Variants in KIF6 observed in about 807,000 individuals in gnomAD.
KIF6 encodes kinesin family member 6, also known as kinesin-like protein KIF6.
A neutral mutation model predicts 112.7 loss-of-function variants in KIF6; 106 were observed. That is an observed-to-expected ratio of 0.94 (90% CI 0.80 to 1.11). The LOEUF (loss-of-function observed/expected upper bound fraction) is 1.11. Among genes scored for constraint, KIF6 ranks in the 50% least tolerant of loss-of-function variants. KIF6 has a pLI of 0.00. For missense variants in KIF6, 929 were observed against 964.0 expected, an observed-to-expected ratio of 0.96 and a Z score of 0.48; for synonymous variants, 339 against 339.9, an observed-to-expected ratio of 1.00 and a Z score of 0.03.
At chr6:39,436,183 T>C (rs970446644) in intron 13 of KIF6, among the ~76,000 whole-genome samples, 7 of 152,188 alleles carry the variant, frequency 4.6e-5, no homozygotes, top group African/African-American at 1.7e-4. Context: ...TCTCTTCATG[T>C]CATTTTCCCA....
intron 14 of KIF6, among the ~76,000 whole-genome samples, chr6:39,420,919 T>C (rs1417047785): frequency 1.3e-5 from 2 of 152,202 alleles, no homozygotes; most frequent in Non-Finnish European, 2.9e-5. Context: ...GATTCCTTTA[T>C]GTTTCTGGCC....
intron 13 of KIF6, among the ~76,000 whole-genome samples, chr6:39,444,693 T>G (rs1772192724): frequency 6.6e-6 from 1 of 152,154 alleles, no homozygotes; most frequent in African/African-American, 2.4e-5. Flanking sequence ...TCTGTTTCTA[T>G]GAGTTCAATT....
chr6:39,711,822 T>A (rs1372637284), intron 3 of KIF6, among the ~76,000 whole-genome samples: 4 of 152,108 alleles, frequency 2.6e-5, no homozygotes, highest in Non-Finnish European at 5.9e-5. Context: ...TATCAGTTGA[T>A]CTCCACAGTG....
chr6:39,423,461 C>G (rs1770527967), intron 14 of KIF6, among the ~76,000 whole-genome samples: 1 of 151,988 alleles, frequency 6.6e-6, no homozygotes, highest in Admixed American at 6.6e-5. Context: ...CCTAGGCCCA[C>G]TCCTCATTTT....
intron 3 of KIF6, among the ~76,000 whole-genome samples, chr6:39,671,043 T>C (rs1786787429): frequency 1.3e-5 from 2 of 152,234 alleles, no homozygotes; most frequent in Non-Finnish European, 2.9e-5. Context: ...TGATAATTAC[T>C]GTGGGAATAT....
intron 19 of KIF6, among the ~76,000 whole-genome samples, chr6:39,348,568 C>T (rs1476401512): frequency 6.6e-6 from 1 of 152,176 alleles, no homozygotes; most frequent in Admixed American, 6.5e-5. Context: ...CTTTGCCCAA[C>T]CAGCCTTTGA....
In KIF6 at chr6:39,331,356, T is replaced by C. The variant is rs551929410; in HGVS notation, c.*5176A>G. The C allele has an allele frequency of 9.4e-4, 142 of 151,862 alleles. No homozygotes were observed. Among genetic ancestry groups the C allele is most frequent in the African/African-American group, 3.2e-3 (133 of 41,288 alleles). 9.4% of individuals were successfully genotyped at this position (151,862 alleles called of 1,614,324 possible). ...TAACCCCAACTCCTTCTTAATCAGATTGTCTTGCTTACTTGTTTATTGTCC... is the reference window on the plus strand; with the variant it reads ...TAACCCCAACTCCTTCTTAATCAGACTGTCTTGCTTACTTGTTTATTGTCC... On this transcript the variant is annotated 3_prime_UTR_variant, in exon 23 of 23. Transcript: ENST00000287152.
intron 2 of KIF6, among the ~76,000 whole-genome samples, chr6:39,717,461 T>C (rs550407116): frequency 3.0e-4 from 46 of 152,306 alleles, no homozygotes; most frequent in South Asian, 6.2e-4. Context: ...CCATCAAGTC[T>C]TTGCTCAAAT....
rs1003941434 is a variant in KIF6 at position 39,333,440 on chromosome 6, G to C, written c.*3092C>G. On this transcript the variant is annotated 3_prime_UTR_variant, in exon 23 of 23. Transcript: ENST00000287152. ...CTGGGAGGCTCTGCTCCAGGCTGTA[G>C]ACTGGGCTCAGGTCTGCTCTCTGGA... 6.6e-6 allele frequency: 1 copy of C among 152,250 alleles called. No individual in the cohort carries two copies. The highest frequency in any genetic ancestry group is 2.4e-5 in the African/African-American group (1 of 41,450). 9.4% of individuals were successfully genotyped at this position (152,250 alleles called of 1,614,324 possible).
Position 39,685,337 on chromosome 6 carries a change from A to G in KIF6, c.251+29355T>C, listed in dbSNP as rs190082524. On this transcript the variant is annotated intron_variant, in intron 3 of 22. Transcript: ENST00000287152. ...TGACTACAGTAACAGGAGGGAGGCC[A>G]AGGAATTAGGTGCAGATGCAGGCTG... Among the ~76,000 whole-genome samples, 69 of 152,338 alleles carry G rather than the reference A, an allele frequency of 4.5e-4. 1 individual carries two copies. The highest frequency in any genetic ancestry group is 1.6e-3 in the African/African-American group (67 of 41,578).
At chr6:39,391,296 G>T (rs1388897321) in intron 15 of KIF6, among the ~76,000 whole-genome samples, 1 of 152,202 alleles carries the variant, frequency 6.6e-6, no homozygotes, top group Non-Finnish European at 1.5e-5. Context: ...TGCGGAACAG[G>T]GTAAGAGTCT....
intron 3 of KIF6, among the ~76,000 whole-genome samples, chr6:39,679,037 G>A (rs969705608): frequency 2.0e-5 from 3 of 152,152 alleles, no homozygotes; most frequent in African/African-American, 7.2e-5. Context: ...GGAAGAATAA[G>A]TTACAAAGCA....
intron 13 of KIF6, among the ~76,000 whole-genome samples, chr6:39,533,500 G>C (rs1009626307): frequency 1.3e-5 from 2 of 152,226 alleles, no homozygotes; most frequent in African/African-American, 4.8e-5. Flanking sequence ...GGTAAACAAA[G>C]CAGCCGGGAA....
intron 5 of KIF6, among the ~76,000 whole-genome samples, chr6:39,623,430 C>T (rs185021231): frequency 6.6e-6 from 1 of 152,278 alleles, no homozygotes; most frequent in Non-Finnish European, 1.5e-5. Flanking sequence ...TAATAACTAT[C>T]TATTTTCAAG....
chr6:39,660,639 C>A (rs1786085500), intron 3 of KIF6, among the ~76,000 whole-genome samples: 1 of 151,944 alleles, frequency 6.6e-6, no homozygotes, highest in African/African-American at 2.4e-5. Flanking sequence ...AGCTAAGGAG[C>A]CCCAATATTC....
At chr6:39,632,189 A>G (rs1234252708) in intron 5 of KIF6, among the ~76,000 whole-genome samples, 1 of 152,174 alleles carries the variant, frequency 6.6e-6, no homozygotes, top group Admixed American at 6.6e-5. Flanking sequence ...AAAGAAAAAA[A>G]AAATAGAAAA....
chr6:39,590,959 G>A (rs1394963728), intron 7 of KIF6, among the ~76,000 whole-genome samples: 1 of 152,208 alleles, frequency 6.6e-6, no homozygotes, highest in African/African-American at 2.4e-5. Flanking sequence ...TATCTTCCAT[G>A]TGGTAGAAGT....
At chr6:39,355,459 CTTTTTTTTTT>C (rs574801087) in intron 19 of KIF6, among the ~76,000 whole-genome samples, 79 of 82,752 alleles carry the variant, frequency 9.5e-4, no homozygotes, top group African/African-American at 3.7e-3. Context: ...TTTAAGAAGT[CTTTTTTTTTT>C]TTTTTTTTTT....
At chr6:39,367,779 A>T (rs917540346) in intron 16 of KIF6, among the ~76,000 whole-genome samples, 1 of 152,034 alleles carries the variant, frequency 6.6e-6, no homozygotes, top group Non-Finnish European at 1.5e-5. Flanking sequence ...CTCCTCTCAA[A>T]CGCTCTCTCT....
Sources: allele counts gnomAD v4.1 joint callset (sites outside exome capture counted in the v4.1 genomes callset), GRCh38; gene constraint gnomAD v4.1.1; transcripts MANE v1.5; gene names NCBI Gene and HGNC (gene_info 2026-07-23, HGNC 2026-07-21).